The following ZNF485 variants were observed in gnomAD, a reference collection of about 807,000 sequenced individuals.
ZNF485 encodes the protein Zinc finger protein 93 (Zinc finger protein HTF34).
ZNF485 carries 9 observed loss-of-function variants against 10.8 expected under a neutral mutation model. That is an observed-to-expected ratio of 0.83 (90% confidence interval 0.50 to 1.45). ZNF485 has a LOEUF of 1.45. Among genes scored for constraint, ZNF485 ranks in the 40% most tolerant of loss-of-function variants. The pLI, the probability that ZNF485 is intolerant of heterozygous loss-of-function variation, is 0.00. For missense variants in ZNF485, 487 were observed against 528.0 expected (o/e 0.92, Z 0.76); for synonymous variants, 187 against 181.0 (o/e 1.03, Z -0.27).
intron 3 of ZNF485, 127 bp downstream of exon 3, chr10:43,608,867 A>T: frequency 7.6e-7 from 1 of 1,311,166 alleles, no homozygotes; most frequent in South Asian, 1.5e-5. Flanking sequence ...TTTCTTAAGT[A>T]TGGGCTTAGA....
At chr10:43,610,669 G>C (rs1445214113) in intron 4 of ZNF485, among the ~76,000 whole-genome samples, 1 of 152,130 alleles carries the variant, frequency 6.6e-6, no homozygotes, top group African/African-American at 2.4e-5. Flanking sequence ...TCTTTCATCT[G>C]CTTAGAGGAC....
At chr10:43,610,375 G>A (rs1399227384) in intron 4 of ZNF485, among the ~76,000 whole-genome samples, 3 of 152,020 alleles carry the variant, frequency 2.0e-5, no homozygotes, top group African/African-American at 4.8e-5. Flanking sequence ...TCCTCTTCAG[G>A]AGAATGTTTA....
chr10:43,611,703 A>G (rs1020306613), intron 4 of ZNF485, among the ~76,000 whole-genome samples: 2 of 152,098 alleles, frequency 1.3e-5, no homozygotes, highest in Non-Finnish European at 2.9e-5. Flanking sequence ...GAGAGGTGAA[A>G]ATATTTTATT....
chr10:43,608,297 C>T (rs530735980), intron 2 of ZNF485, among the ~76,000 whole-genome samples: 2 of 152,094 alleles, frequency 1.3e-5, no homozygotes, highest in Non-Finnish European at 2.9e-5. Flanking sequence ...GGTGAGAAAT[C>T]CTGTGAAGAA....
chr10:43,611,696 A>G (rs1240457433), intron 4 of ZNF485, among the ~76,000 whole-genome samples: 2 of 152,194 alleles, frequency 1.3e-5, no homozygotes, highest in Non-Finnish European at 1.5e-5. Context: ...CAAATCTGAG[A>G]GGTGAAAATA....
intron 4 of ZNF485, among the ~76,000 whole-genome samples, chr10:43,611,044 T>A (rs1838759676): frequency 6.6e-6 from 1 of 152,076 alleles, no homozygotes; most frequent in Admixed American, 6.5e-5. Flanking sequence ...TCTCTCTTTC[T>A]TTCTTTCTTT....
rs757359971 is a variant in ZNF485 at position 43,608,655 on chromosome 10, G to A, written c.66G>A (p.Arg22=). 6.8e-6 allele frequency: 11 copies of A among 1,614,004 alleles called. No homozygotes were observed. Among genetic ancestry groups the A allele is most frequent in the Non-Finnish European group, 9.3e-6 (11 of 1,179,998 alleles). The change falls in exon 3 of 5, where the codon CGG becomes CGA. Residue 22 remains arginine, a synonymous_variant. Transcript: ENST00000361807. ...TFGDVAVAFT[R]IEWRHLDAAQ... ...GGGATGTGGCTGTGGCCTTTACCCG[G>A]ATTGAGTGGAGACACCTGGATGCTG...
chr10:43,614,389 C>T (rs538018669), intron 4 of ZNF485, among the ~76,000 whole-genome samples: 4 of 152,108 alleles, frequency 2.6e-5, no homozygotes, highest in Non-Finnish European at 5.9e-5. Context: ...TGGGCTCAAG[C>T]AATCCTGTCT....
intron 4 of ZNF485, among the ~76,000 whole-genome samples, chr10:43,612,151 T>A (rs1435134050): frequency 6.6e-6 from 1 of 152,232 alleles, no homozygotes; most frequent in Non-Finnish European, 1.5e-5. Context: ...TTTCAAGGTA[T>A]ATGGAAATAT....
intron 4 of ZNF485, among the ~76,000 whole-genome samples, chr10:43,613,706 T>C (rs1838805995): frequency 6.6e-6 from 1 of 152,242 alleles, no homozygotes; most frequent in Non-Finnish European, 1.5e-5. Context: ...TACATTTCTG[T>C]TGGGCATGTA....
chr10:43,606,485 C>A lies in ZNF485; in HGVS notation c.-116C>A, dbSNP rs889876039. Reference sequence around the variant, plus strand: ...CCCTGGCTGGTGGTTACTGTCCGAACGGCGTGGTGTGGTCGCTGACTCTCT... The same window carrying A: ...CCCTGGCTGGTGGTTACTGTCCGAAAGGCGTGGTGTGGTCGCTGACTCTCT... On this transcript the variant is annotated 5_prime_UTR_variant, in exon 1 of 5. Coordinates refer to ENST00000361807, the MANE Select transcript of ZNF485 (RefSeq NM_145312.4). The A allele has an allele frequency of 6.0e-5, 23 of 383,414 alleles. No individual in the cohort carries two copies. Among genetic ancestry groups the A allele is most frequent in the Admixed American group, 7.9e-5 (2 of 25,320 alleles). The allele number at this position is 383,414 out of a possible 1,614,324, so 23.8% of individuals were successfully genotyped here.
At position 43,616,398 on chromosome 10, in the gene ZNF485, G is replaced by T. The variant is rs754373515; in HGVS notation, c.355G>T (p.Asp119Tyr). The stretch of plus-strand genomic sequence containing the variant: ...AAGTGTCATGATGGAAAAAGGCCTG[G>T]ACTGGGAGGGCAGAAGCTCCACAGA... ...TKSVMMEKGL[D>Y]WEGRSSTEKN... is the part of the protein sequence containing the mutation. Residue 119 changes from aspartate (D) to tyrosine (Y), a missense_variant, in exon 5 of 5, where the codon GAC (aspartate) becomes TAC (tyrosine). By Grantham distance (160) the Asp-to-Tyr change is radical. Coordinates refer to ENST00000361807, the MANE Select transcript of ZNF485 (RefSeq NM_145312.4). 8.1e-6 allele frequency: 13 copies of T among 1,614,178 alleles called. No individual in the cohort carries two copies. In the Admixed American group the frequency reaches 2.2e-4, roughly 27 times the overall value.
intron 4 of ZNF485, among the ~76,000 whole-genome samples, chr10:43,614,428 C>T (rs753097495): frequency 5.3e-5 from 8 of 152,068 alleles, no homozygotes; most frequent in Non-Finnish European, 1.0e-4. Flanking sequence ...GGACTACAGA[C>T]ACATGCCACC....
intron 2 of ZNF485, among the ~76,000 whole-genome samples, chr10:43,608,018 A>C (rs1838686491): frequency 1.3e-5 from 2 of 152,230 alleles, no homozygotes; most frequent in Non-Finnish European, 2.9e-5. Context: ...GTACATAGTA[A>C]GTTGTTACTC....
chr10:43,615,564 G>T (rs1000095131), intron 4 of ZNF485, among the ~76,000 whole-genome samples: 1 of 152,114 alleles, frequency 6.6e-6, no homozygotes, highest in Non-Finnish European at 1.5e-5. Context: ...ACCATGCCTG[G>T]CTAGTTTTTG....
chr10:43,614,338 G>A (rs933557436), intron 4 of ZNF485, among the ~76,000 whole-genome samples: 2 of 152,144 alleles, frequency 1.3e-5, no homozygotes, highest in South Asian at 2.1e-4. Flanking sequence ...TGTTGTTACT[G>A]ACTGTTAATG....
Position 43,617,160 on chromosome 10 carries a change from C to G in ZNF485, c.1117C>G (p.Gln373Glu). The G allele has an allele frequency of 6.2e-7, 1 of 1,614,192 alleles. No individual in the cohort carries two copies. Among genetic ancestry groups the G allele is most frequent in the Non-Finnish European group, 8.5e-7 (1 of 1,180,034 alleles). Residue 373 changes from glutamine to glutamate, a missense_variant, in exon 5 of 5, where the codon CAG becomes GAG. Physicochemically the swap from Gln to Glu is conservative, Grantham distance 29. Transcript: ENST00000361807. ...AAAGAGCTCAACCCTTACTGGACAT[C>G]AGAGAATTCATACTGGAGAAAAACC... ...FTKSSTLTGH[Q>E]RIHTGEKPYH...
At chr10:43,606,890 T>G (rs905558622) in intron 1 of ZNF485, 107 bp from the exon 2 acceptor site, 3 of 785,574 alleles carry the variant, frequency 3.8e-6, no homozygotes, top group Admixed American at 2.3e-5. Context: ...TGGACCTGTC[T>G]GCCCACCTGT....
chr10:43,607,062 A>G lies in ZNF485; in HGVS notation c.12A>G (p.Arg4=). 1 of 1,551,798 alleles carries G rather than the reference A, an allele frequency of 6.4e-7. No homozygotes were observed. Among genetic ancestry groups the G allele is most frequent in the Non-Finnish European group, 8.7e-7 (1 of 1,147,034 alleles). Residue 4 remains arginine, a synonymous_variant, in exon 2 of 5, where the codon AGA becomes AGG. Coordinates refer to ENST00000361807, the MANE Select transcript of ZNF485 (RefSeq NM_145312.4). MAP[R]AQIQGPLTFG... The stretch of plus-strand genomic sequence containing the variant: ...AGTTCAGGAGACAGATGGCCCCAAG[A>G]GCCCAGATCCAGGCAAGTTTGATTT...
Sources: allele counts gnomAD v4.1 joint callset (sites outside exome capture counted in the v4.1 genomes callset), GRCh38; gene constraint gnomAD v4.1.1; transcripts MANE v1.5; gene names NCBI Gene and HGNC (gene_info 2026-07-23, HGNC 2026-07-21).